The following CATSPERT variants were observed in gnomAD, a reference collection of about 807,000 sequenced individuals.
CATSPERT encodes cation channel sperm-associated targeting subunit tau.
the CATSPERT span, chr2:201,535,368 T>C: frequency 3.1e-6 from 3 of 979,664 alleles, no homozygotes; most frequent in Non-Finnish European, 3.6e-6. Context: ...TCCAATAAGA[T>C]ATAAAGATAT....
At chr2:201,575,936 A>C in the CATSPERT span, among the ~76,000 whole-genome samples, 1 of 152,200 alleles carries the variant, frequency 6.6e-6, no homozygotes, top group African/African-American at 2.4e-5. Context: ...ACCACAAATC[A>C]GGTAATAATT....
the CATSPERT span, among the ~76,000 whole-genome samples, chr2:201,528,737 C>G: frequency 6.6e-6 from 1 of 151,982 alleles, no homozygotes; most frequent in African/African-American, 2.4e-5. Flanking sequence ...AAGAAGGGAA[C>G]AGATACCAGG....
the CATSPERT span, among the ~76,000 whole-genome samples, chr2:201,581,433 C>CATATAT: frequency 3.0e-4 from 23 of 77,166 alleles, no homozygotes; most frequent in African/African-American, 6.6e-4. Context: ...TACTTAATTT[C>CATATAT]ATATATATAT....
At chr2:201,605,360 C>T in the CATSPERT span, among the ~76,000 whole-genome samples, 1 of 152,134 alleles carries the variant, frequency 6.6e-6, no homozygotes, top group African/African-American at 2.4e-5. Context: ...CCAGAAGTAG[C>T]TCATCATGAT....
At chr2:201,575,394 A>C in the CATSPERT span, 1 of 1,293,580 alleles carries the variant, frequency 7.7e-7, no homozygotes, top group South Asian at 1.6e-5. Flanking sequence ...TATCGAAACC[A>C]AGGGTCCCCA....
the CATSPERT span, chr2:201,534,622 A>G: frequency 1.0e-6 from 1 of 985,176 alleles, no homozygotes; most frequent in Admixed American, 6.2e-5. Context: ...GAGCAAAAAA[A>G]AGTGTTAATC....
At chr2:201,548,873 G>A in the CATSPERT span, among the ~76,000 whole-genome samples, 4 of 152,168 alleles carry the variant, frequency 2.6e-5, no homozygotes, top group African/African-American at 9.6e-5. Flanking sequence ...GGCTTTTCTC[G>A]TTTCAGGATT....
At chr2:201,520,891 A>AG in the CATSPERT span, among the ~76,000 whole-genome samples, 1 of 151,768 alleles carries the variant, frequency 6.6e-6, no homozygotes, top group African/African-American at 2.4e-5. Flanking sequence ...TCTCAGAAAA[A>AG]AAAAAAAGAA....
the CATSPERT span, among the ~76,000 whole-genome samples, chr2:201,552,096 A>G: frequency 2.6e-5 from 4 of 151,652 alleles, no homozygotes; most frequent in Non-Finnish European, 4.4e-5. Context: ...CCCAGGCCCA[A>G]GTACTTCTCC....
At chr2:201,550,991 C>T in the CATSPERT span, 6 of 152,200 alleles carry the variant, frequency 3.9e-5, no homozygotes, top group Non-Finnish European at 8.8e-5. Context: ...CCACTAACAG[C>T]CAGTATTACA....
At chr2:201,568,141 T>C in the CATSPERT span, among the ~76,000 whole-genome samples, 2 of 152,178 alleles carry the variant, frequency 1.3e-5, no homozygotes, top group Non-Finnish European at 2.9e-5. Context: ...ACCCATACCA[T>C]GGACCCCTAG....
the CATSPERT span, among the ~76,000 whole-genome samples, chr2:201,506,292 C>CAAACA: frequency 2.0e-5 from 3 of 151,710 alleles, no homozygotes; most frequent in Middle Eastern, 6.8e-3. Context: ...AACAAACAAA[C>CAAACA]AAAACACCAA....
chr2:201,569,525 A>G, the CATSPERT span, among the ~76,000 whole-genome samples: 1 of 152,140 alleles, frequency 6.6e-6, no homozygotes, highest in Non-Finnish European at 1.5e-5. Context: ...CCTGGGACCC[A>G]ATTACTCCCA....
chr2:201,511,279 A>G, the CATSPERT span, among the ~76,000 whole-genome samples: 2 of 152,356 alleles, frequency 1.3e-5, no homozygotes, highest in Admixed American at 1.3e-4. Context: ...TTTCGTACTT[A>G]TCCTATACTT....
the CATSPERT span, chr2:201,537,353 TC>T: frequency 2.5e-6 from 3 of 1,193,952 alleles, no homozygotes; most frequent in Non-Finnish European, 3.5e-6. Context: ...CCTTTCTCTA[TC>T]TATAAATATT....
chr2:201,599,853 C>T, the CATSPERT span, among the ~76,000 whole-genome samples: 1 of 152,062 alleles, frequency 6.6e-6, no homozygotes, highest in Admixed American at 6.5e-5. Flanking sequence ...ACATATATCC[C>T]CCAAATTCTT....
chr2:201,600,506 A>G, the CATSPERT span, among the ~76,000 whole-genome samples: 1 of 152,150 alleles, frequency 6.6e-6, no homozygotes, highest in Non-Finnish European at 1.5e-5. Flanking sequence ...TGACAGGTGC[A>G]GCAAGCCAAC....
At chr2:201,515,220 T>G in the CATSPERT span, among the ~76,000 whole-genome samples, 1 of 52,236 alleles carries the variant, frequency 1.9e-5, no homozygotes, top group South Asian at 8.3e-4. Context: ...TTTTTTTTTT[T>G]TTTTTTTTTT....
At chr2:201,499,831 T>TA in the CATSPERT span, among the ~76,000 whole-genome samples, 7 of 147,582 alleles carry the variant, frequency 4.7e-5, no homozygotes, top group African/African-American at 1.5e-4. Context: ...AGACCCTGTC[T>TA]AAAAAAAATT....
Sources: allele counts gnomAD v4.1 joint callset (sites outside exome capture counted in the v4.1 genomes callset), GRCh38; gene constraint gnomAD v4.1.1; transcripts MANE v1.5; gene names NCBI Gene and HGNC (gene_info 2026-07-23, HGNC 2026-07-21).